The following PSG8 variants were observed in gnomAD, a reference collection of about 807,000 sequenced individuals.
PSG8 encodes pregnancy specific beta-1-glycoprotein 8, also known as pregnancy-specific beta-1-glycoprotein 8.
A neutral mutation model predicts 42.5 loss-of-function variants in PSG8; 57 were observed. The observed-to-expected ratio is 1.34, with a 90% CI of 1.08 to 1.67. The LOEUF (loss-of-function observed/expected upper bound fraction) is 1.67. Among genes scored for constraint, PSG8 ranks in the 40% most tolerant of loss-of-function variants. PSG8 has a pLI of 0.00. For synonymous variants in PSG8, 280 were observed against 196.8 expected (o/e 1.42, Z -3.54); for missense variants, 783 against 518.6 (o/e 1.51, Z -4.95).
At chr19:42,755,677 G>A (rs369474164) in intron 3 of PSG8, 5 of 249,658 alleles carry the variant, frequency 2.0e-5, no homozygotes, top group South Asian at 8.3e-5. Flanking sequence ...TTTCTCTGCA[G>A]CTTCCATTTC....
Position 42,758,299 on chromosome 19 carries a change from G to C in PSG8, c.431-19C>G. 3 of 1,611,038 alleles carry C rather than the reference G, an allele frequency of 1.9e-6. No individual in the cohort carries two copies. Among genetic ancestry groups the C allele is most frequent in the Non-Finnish European group, 2.5e-6 (3 of 1,178,214 alleles). Reference sequence around the variant, plus strand: ...GTCTCCACTGTGCAGAAAACAGAGAGAAGATTGCCCTGTGTGGCACCTTTG... The same window carrying C: ...GTCTCCACTGTGCAGAAAACAGAGACAAGATTGCCCTGTGTGGCACCTTTG... On this transcript the variant is annotated intron_variant, in intron 2 of 4. Coordinates refer to ENST00000306511, the MANE Select transcript of PSG8 (RefSeq NM_182707.3).
In PSG8 at chr19:42,758,565, C is replaced by T. The variant is rs1318971548; in HGVS notation, c.431-285G>A. On this transcript the variant is annotated intron_variant, in intron 2 of 4. Transcript: ENST00000306511. ...AGCAGTCACAGCCCCTGTTGCCTCT[C>T]TGAGTCCCTCCGTCTCCAACTGCCT... 7 of 572,956 alleles carry T rather than the reference C, an allele frequency of 1.2e-5. No homozygotes were observed. The South Asian group carries it at 1.7e-4, about 14-fold the overall frequency. The allele number at this position is 572,956 out of a possible 1,614,324, so 35.5% of individuals were successfully genotyped here.
chr19:42,753,841 C>A (rs1002252198), downstream of PSG8: 4 of 446,982 alleles, frequency 8.9e-6, no homozygotes, highest in East Asian at 2.6e-4. Flanking sequence ...TGTACTTGTG[C>A]AAATATGTGT....
At chr19:42,762,735 A>T (rs955707063) in intron 2 of PSG8, among the ~76,000 whole-genome samples, 3 of 152,054 alleles carry the variant, frequency 2.0e-5, no homozygotes, top group African/African-American at 7.2e-5. Flanking sequence ...TGTTTTTTCC[A>T]CTGACTCTGA....
intron 2 of PSG8, 76 bp downstream of exon 2, chr19:42,763,840 G>A: frequency 2.5e-6 from 4 of 1,609,188 alleles, no homozygotes; most frequent in Middle Eastern, 1.7e-4. Flanking sequence ...CAATGTCCAG[G>A]CCTGACAATC....
rs768349850 is a variant in PSG8 at position 42,758,022 on chromosome 19, G to A, written c.689C>T (p.Pro230Leu). The part of the protein sequence containing the change: ...RNPVSASRSD[P>L]FTLNLLPKLP... ...CTCACGGAGGAGATTCAGGGTGAAT[G>A]GGTCACTGCGGCTGGCACTCACTGG... Residue 230 changes from proline to leucine, a missense_variant, in exon 3 of 5, where the codon CCA becomes CTA. Physicochemically the swap from Pro to Leu is moderately conservative, Grantham distance 98 (BLOSUM62 -3). Coordinates refer to ENST00000306511, the MANE Select transcript of PSG8 (RefSeq NM_182707.3). 2 of 1,614,036 alleles carry A rather than the reference G, an allele frequency of 1.2e-6. No homozygotes were observed. Among genetic ancestry groups the A allele is most frequent in the East Asian group, 4.5e-5 (2 of 44,878 alleles).
intron 2 of PSG8, among the ~76,000 whole-genome samples, chr19:42,761,109 G>T (rs1970061935): frequency 6.6e-6 from 1 of 152,126 alleles, no homozygotes; most frequent in Non-Finnish European, 1.5e-5. Flanking sequence ...ACACCCTGGT[G>T]AGTCCGTGCA....
At chr19:42,754,135 A>G, downstream of PSG8, 1 of 1,386,538 alleles carries the variant, frequency 7.2e-7, no homozygotes, top group Non-Finnish European at 9.8e-7. Context: ...TAGGCTGGGA[A>G]TTTTATGAAG....
chr19:42,753,954 T>C (rs1969843680), downstream of PSG8: 1 of 583,056 alleles, frequency 1.7e-6, no homozygotes. Flanking sequence ...TAAACTGCGG[T>C]ATAGTTTATT....
At chr19:42,754,220 G>A, downstream of PSG8, 1 of 1,579,080 alleles carries the variant, frequency 6.3e-7, no homozygotes, top group Non-Finnish European at 8.6e-7. Flanking sequence ...TTTGGGATTT[G>A]CTTGTGCCCA....
At chr19:42,760,353 T>G (rs780861773) in intron 2 of PSG8, among the ~76,000 whole-genome samples, 16 of 152,170 alleles carry the variant, frequency 1.1e-4, no homozygotes, top group Non-Finnish European at 2.1e-4. Context: ...ATTACATGTA[T>G]GTTACAGCCT....
chr19:42,761,069 T>C (rs572094012), intron 2 of PSG8, among the ~76,000 whole-genome samples: 1 of 152,100 alleles, frequency 6.6e-6, no homozygotes, highest in South Asian at 2.1e-4. Context: ...GCCCATGGGC[T>C]TTGGGGACTG....
In PSG8 at chr19:42,754,448, T is replaced by C. The variant is rs775051339; in HGVS notation, c.1128A>G (p.Gly376=). 1.9e-6 allele frequency: 3 copies of C among 1,613,890 alleles called. No homozygotes were observed. The highest frequency in any genetic ancestry group is 2.5e-6 in the Non-Finnish European group (3 of 1,179,862). The change falls in exon 5 of 5, where the codon GGA becomes GGG. Residue 376 remains glycine (G), a synonymous_variant. Coordinates refer to ENST00000306511, the MANE Select transcript of PSG8 (RefSeq NM_182707.3). ...TAATTTGGGGGATAAAGAGCTTTTG[T>C]CCTGATAGCTGAAACTTCCCATTAA... is the stretch of plus-strand genomic sequence containing the variant. ...WTINGKFQLS[G]QKLFIPQITT...
Position 42,754,536 on chromosome 19 carries a change from C to T in PSG8, c.1040G>A (p.Gly347Glu). ...AGAACAGGACAAGTAGAGGACTTCTCCTGAACGGTAATAGGTGAATGAAGG... is the reference window on the plus strand; with the variant it reads ...AGAACAGGACAAGTAGAGGACTTCTTCTGAACGGTAATAGGTGAATGAAGG... ...IYPSFTYYRSGEVLYLSCSAD... is the reference protein window; with the variant it reads ...IYPSFTYYRSEEVLYLSCSAD... The change falls in exon 5 of 5, where the codon GGA becomes GAA. Residue 347 changes from glycine (G) to glutamate (E), a missense_variant. By Grantham distance (98) the Gly-to-Glu change is moderately conservative (BLOSUM62 -2). Transcript: ENST00000306511. 2 of 1,613,680 alleles carry T rather than the reference C, an allele frequency of 1.2e-6. No homozygotes were observed. Among genetic ancestry groups the T allele is most frequent in the Non-Finnish European group, 1.7e-6 (2 of 1,179,792 alleles).
At chr19:42,756,333 T>A (rs1969925578) in intron 3 of PSG8, among the ~76,000 whole-genome samples, 1 of 152,174 alleles carries the variant, frequency 6.6e-6, no homozygotes, top group Non-Finnish European at 1.5e-5. Context: ...CAGAAGTTGT[T>A]CATGGGTGTG....
At chr19:42,753,240 G>T (rs1284467258), downstream of PSG8, 28 of 777,442 alleles carry the variant, frequency 3.6e-5, no homozygotes, top group Non-Finnish European at 6.2e-5. Flanking sequence ...AGGTACAAGG[G>T]TTTTCCCATG....
intron 4 of PSG8, 184 bp from the exon 5 acceptor site, chr19:42,754,771 G>A (rs1969873943): frequency 3.6e-6 from 5 of 1,390,742 alleles, no homozygotes; most frequent in South Asian, 1.5e-5. Context: ...CAAGCTGTGG[G>A]CCCCAAGTCT....
chr19:42,757,616 G>T (rs920662230), intron 3 of PSG8, among the ~76,000 whole-genome samples: 1 of 152,126 alleles, frequency 6.6e-6, no homozygotes, highest in African/African-American at 2.4e-5. Flanking sequence ...AGAGAATAAT[G>T]TCACAGGCGA....
At chr19:42,760,232 T>C (rs1970038681) in intron 2 of PSG8, among the ~76,000 whole-genome samples, 1 of 152,106 alleles carries the variant, frequency 6.6e-6, no homozygotes, top group Non-Finnish European at 1.5e-5. Flanking sequence ...CTCCAACTTA[T>C]GAAAATGGCA....
Sources: allele counts gnomAD v4.1 joint callset (sites outside exome capture counted in the v4.1 genomes callset), GRCh38; gene constraint gnomAD v4.1.1; transcripts MANE v1.5; gene names NCBI Gene and HGNC (gene_info 2026-07-23, HGNC 2026-07-21).